Variants in ITGA6 observed in about 807,000 individuals in gnomAD.
ITGA6 encodes integrin subunit alpha 6.
Under a neutral mutation model 133.6 loss-of-function variants are expected in ITGA6, and 63 were observed. The observed-to-expected ratio is 0.47, with a 90% CI of 0.38 to 0.58. The LOEUF is 0.58. Among genes scored for constraint, ITGA6 ranks in the 20% least tolerant of loss-of-function variants. ITGA6 has a pLI of 0.00. For synonymous variants in ITGA6, 434 were observed against 482.0 expected (o/e 0.90, Z 1.30); for missense variants, 1,068 against 1,309.4 (o/e 0.82, Z 2.85).
intron 1 of ITGA6, among the ~76,000 whole-genome samples, chr2:172,433,345 GTCT>G (rs775129997): frequency 7.2e-5 from 11 of 152,208 alleles, no homozygotes; most frequent in Non-Finnish European, 1.5e-4. Context: ...TGTTCTTAAA[GTCT>G]TCTTCGTTTG....
At chr2:172,471,458 A>T (rs1685933260) in intron 5 of ITGA6, among the ~76,000 whole-genome samples, 1 of 152,184 alleles carries the variant, frequency 6.6e-6, no homozygotes, top group African/African-American at 2.4e-5. Flanking sequence ...TGTTCACAGT[A>T]AGCTGAGATC....
chr2:172,436,157 G>A (rs1035301753), intron 1 of ITGA6, among the ~76,000 whole-genome samples: 1 of 152,184 alleles, frequency 6.6e-6, no homozygotes, highest in African/African-American at 2.4e-5. Flanking sequence ...CTTTACAAGT[G>A]CAAAGAGAGA....
chr2:172,431,924 A>G (rs1684120547), intron 1 of ITGA6, among the ~76,000 whole-genome samples: 1 of 152,232 alleles, frequency 6.6e-6, no homozygotes, highest in Non-Finnish European at 1.5e-5. Context: ...GGATTCCTTT[A>G]TTATAAAGAA....
chr2:172,494,871 G>T (rs1425033815), intron 23 of ITGA6, among the ~76,000 whole-genome samples: 1 of 152,154 alleles, frequency 6.6e-6, no homozygotes, highest in African/African-American at 2.4e-5. Flanking sequence ...CTTCCTGGCT[G>T]TCAAAATTTT....
intron 1 of ITGA6, among the ~76,000 whole-genome samples, chr2:172,448,015 A>G (rs1684836615): frequency 6.6e-6 from 1 of 152,124 alleles, no homozygotes; most frequent in African/African-American, 2.4e-5. Flanking sequence ...GAGTCAGGTT[A>G]AGAACTAGAA....
chr2:172,449,742 A>G (rs934077236), intron 1 of ITGA6, among the ~76,000 whole-genome samples: 4 of 151,848 alleles, frequency 2.6e-5, no homozygotes, highest in African/African-American at 9.7e-5. Flanking sequence ...ACCAGCATGG[A>G]GAAACCCCGT....
intron 24 of ITGA6, among the ~76,000 whole-genome samples, chr2:172,500,597 T>A (rs1687308815): frequency 6.6e-6 from 1 of 152,188 alleles, no homozygotes; most frequent in Non-Finnish European, 1.5e-5. Context: ...GCCACTGCAC[T>A]CCAGCCTGGG....
At chr2:172,428,266 C>A in intron 1 of ITGA6, 1 of 169,714 alleles carries the variant, frequency 5.9e-6, no homozygotes, top group Non-Finnish European at 1.2e-5. Flanking sequence ...TTCTTCCCTC[C>A]GGGCGTGTTT....
chr2:172,485,282 T>C lies in ITGA6; in HGVS notation c.1854+18T>C. 1 of 1,612,982 alleles carries C rather than the reference T, an allele frequency of 6.2e-7. No individual in the cohort carries two copies. Among genetic ancestry groups the C allele is most frequent in the Non-Finnish European group, 8.5e-7 (1 of 1,179,244 alleles). The stretch of plus-strand genomic sequence containing the variant: ...ATATTGATGTAAGTCTCTCTGACTT[T>C]CATTTTGCCAAAGTTTTTTTGCCAT... On this transcript the variant is annotated intron_variant, in intron 13 of 25. Transcript: ENST00000684293.
intron 1 of ITGA6, among the ~76,000 whole-genome samples, chr2:172,451,144 G>A (rs1346584070): frequency 6.6e-6 from 1 of 150,572 alleles, no homozygotes; most frequent in Non-Finnish European, 1.5e-5. Context: ...GACAGAGTGA[G>A]ACTCTGTCTC....
At chr2:172,435,782 C>T (rs1684297422) in intron 1 of ITGA6, among the ~76,000 whole-genome samples, 2 of 151,866 alleles carry the variant, frequency 1.3e-5, no homozygotes, top group East Asian at 1.9e-4. Context: ...TGTGCAGCAC[C>T]ACACCCAGCA....
chr2:172,500,029 T>G (rs1226283094), intron 24 of ITGA6, among the ~76,000 whole-genome samples: 1 of 152,178 alleles, frequency 6.6e-6, no homozygotes, highest in Non-Finnish European at 1.5e-5. Flanking sequence ...TTTTATTACT[T>G]TATACTTTTA....
intron 1 of ITGA6, among the ~76,000 whole-genome samples, chr2:172,438,564 A>G (rs1684416108): frequency 1.3e-5 from 2 of 151,872 alleles, no homozygotes; most frequent in African/African-American, 2.4e-5. Context: ...ACATTGGACA[A>G]ATTACTTATC....
In ITGA6 at chr2:172,470,983, G is replaced by A. The variant is rs547472531; in HGVS notation, c.653G>A (p.Arg218His). 11 of 1,613,690 alleles carry A rather than the reference G, an allele frequency of 6.8e-6. No homozygotes were observed. Among genetic ancestry groups the A allele is most frequent in the South Asian group, 2.2e-5 (2 of 91,064 alleles). ...PGTYNWKGIV[R>H]VEQKNNTFFD... ...CATTTCATTCCTTTAGGGATTGTTC[G>A]TGTAGAGCAAAAGAATAACACTTTT... Residue 218 changes from arginine to histidine, a missense_variant, in exon 5 of 26, where the codon CGT becomes CAT. Physicochemically the swap from Arg to His is conservative, Grantham distance 29. Transcript: ENST00000684293.
intron 13 of ITGA6, among the ~76,000 whole-genome samples, chr2:172,486,053 A>G (rs3108778): frequency 0.53 from 79,862 of 151,516 alleles, 22,563 homozygotes; most frequent in East Asian, 0.87. Flanking sequence ...GAGCATGCCT[A>G]TAATCACAGC....
chr2:172,476,554 T>A, intron 9 of ITGA6, 41 bp downstream of exon 9: 1 of 1,165,588 alleles, frequency 8.6e-7, no homozygotes, highest in Non-Finnish European at 1.3e-6. Context: ...TGTTCTATAA[T>A]CAGGTTATAC....
At chr2:172,499,479 C>T (rs1310969819) in intron 24 of ITGA6, among the ~76,000 whole-genome samples, 1 of 152,186 alleles carries the variant, frequency 6.6e-6, no homozygotes, top group African/African-American at 2.4e-5. Flanking sequence ...ATCCTCCCAC[C>T]TCGGCCTCCT....
chr2:172,478,242 T>G (rs2149053068), intron 9 of ITGA6, among the ~76,000 whole-genome samples: 1 of 152,312 alleles, frequency 6.6e-6, no homozygotes, highest in African/African-American at 2.4e-5. Flanking sequence ...GTGGGCAGTA[T>G]TTGACCCTTT....
At chr2:172,463,789 C>T (rs972770059) in intron 1 of ITGA6, among the ~76,000 whole-genome samples, 29 of 152,200 alleles carry the variant, frequency 1.9e-4, no homozygotes, top group Non-Finnish European at 3.7e-4. Flanking sequence ...CATGACTCCA[C>T]CTCTGACATC....
Sources: allele counts gnomAD v4.1 joint callset (sites outside exome capture counted in the v4.1 genomes callset), GRCh38; gene constraint gnomAD v4.1.1; transcripts MANE v1.5; gene names NCBI Gene and HGNC (gene_info 2026-07-23, HGNC 2026-07-21).